The following TSHZ1 variants were observed in gnomAD, a reference collection of about 807,000 sequenced individuals.
TSHZ1 encodes the protein teashirt zinc finger homeobox 1.
TSHZ1 carries 12 observed loss-of-function variants against 67.1 expected under a neutral mutation model. The ratio of observed to expected loss-of-function variants is 0.18; its 90% CI spans 0.11 to 0.29. TSHZ1 has a LOEUF of 0.29. Among genes scored for constraint, TSHZ1 ranks in the 10% least tolerant of loss-of-function variants. The pLI is 1.00. For synonymous variants in TSHZ1, 632 were observed against 622.4 expected, an observed-to-expected ratio of 1.02 and a Z score of -0.23; for missense variants, 1,305 against 1,413.9, an observed-to-expected ratio of 0.92 and a Z score of 1.23.
chr18:75,287,216 G>A lies in TSHZ1; in HGVS notation c.1809G>A (p.Pro603=), dbSNP rs778774648. Residue 603 remains proline (P), a synonymous_variant, in exon 2 of 2, where the codon CCG becomes CCA. Transcript: ENST00000580243. This position sits in a 1 kb window ranked among gnomAD's most constrained non-coding sequence, Gnocchi z 5.0. ...PAAVQSVQVQ[P]SYAGGVKSLS... ...CCGTGCAGAGCGTGCAGGTGCAGCC[G>A]TCCTATGCTGGCGGCGTGAAGTCGC... 186 of 1,613,730 alleles carry A rather than the reference G, an allele frequency of 1.2e-4. No individual in the cohort carries two copies. Among genetic ancestry groups the A allele is most frequent in the South Asian group, 5.5e-5 (5 of 91,066 alleles).
At chr18:75,241,720 C>G (rs1027057040) in intron 1 of TSHZ1, among the ~76,000 whole-genome samples, 1 of 151,986 alleles carries the variant, frequency 6.6e-6, no homozygotes, top group Non-Finnish European at 1.5e-5. Flanking sequence ...TTTATTCTCT[C>G]CCAGTGCTGG....
intron 1 of TSHZ1, among the ~76,000 whole-genome samples, chr18:75,269,941 G>A (rs1205107223): frequency 6.6e-6 from 1 of 152,202 alleles, no homozygotes; most frequent in Non-Finnish European, 1.5e-5. Flanking sequence ...CCTGAAAATA[G>A]TGTCCTCTGT....
Position 75,285,429 on chromosome 18 carries a change from T to C in TSHZ1, c.41-19T>C. The C allele has an allele frequency of 7.0e-7, 1 of 1,437,828 alleles. No individual in the cohort carries two copies. The highest frequency in any genetic ancestry group is 9.1e-7 in the Non-Finnish European group (1 of 1,095,064). The allele number at this position is 1,437,828 out of a possible 1,614,324, so 89.1% of individuals were successfully genotyped here. A position where few individuals can be genotyped will look rare whatever the true frequency, so the allele number is the denominator to read the frequency against. On this transcript the variant is annotated intron_variant, in intron 1 of 1. Coordinates refer to ENST00000580243, the MANE Select transcript of TSHZ1 (RefSeq NM_001308210.2). ...AGATGATTTACTTCTTCTAACTGGG[T>C]TTCATTTTTCTCTCCTAGCTTATGT...
intron 1 of TSHZ1, chr18:75,283,926 C>A (rs1029088465): frequency 6.6e-6 from 1 of 152,148 alleles, no homozygotes; most frequent in African/African-American, 2.4e-5. Context: ...TTGTCGTGTT[C>A]CCTCAGGCCC....
intron 1 of TSHZ1, among the ~76,000 whole-genome samples, chr18:75,224,783 G>A (rs1316171884): frequency 6.6e-6 from 1 of 152,178 alleles, no homozygotes; most frequent in African/African-American, 2.4e-5. Flanking sequence ...ATTGGATGTA[G>A]GGTAGAGGCC....
Position 75,289,478 on chromosome 18 carries a change from C to G in TSHZ1, c.*837C>G, listed in dbSNP as rs562681033. On this transcript the variant is annotated 3_prime_UTR_variant, in exon 2 of 2. Transcript: ENST00000580243. ...TTGGTACAAGCTGACCTTTCTATAG[C>G]GTGCTGCATTGGTAAATGAAAAAAA... is the stretch of plus-strand genomic sequence containing the variant. 1 of 166,960 alleles carries G rather than the reference C, an allele frequency of 6.0e-6. No homozygotes were observed. Among genetic ancestry groups the G allele is most frequent in the African/African-American group, 2.4e-5 (1 of 41,408 alleles). 10.3% of individuals were successfully genotyped at this position (166,960 alleles called of 1,614,324 possible).
intron 1 of TSHZ1, among the ~76,000 whole-genome samples, chr18:75,247,849 A>G (rs889824958): frequency 8.3e-5 from 12 of 144,974 alleles, no homozygotes; most frequent in Non-Finnish European, 1.0e-4. Context: ...TTTATTTGAA[A>G]TGTTCAGACC....
chr18:75,257,424 G>A (rs1303901425), intron 1 of TSHZ1, among the ~76,000 whole-genome samples: 1 of 152,204 alleles, frequency 6.6e-6, no homozygotes, highest in African/African-American at 2.4e-5. Context: ...ATCTTGGCTA[G>A]GACAAGGCAG....
rs2022691490 is a variant in TSHZ1 at position 75,211,661 on chromosome 18, C to CGCCGCCGCCGCCTCCT, written c.-214_-213insCGCCGCCGCCTCCTGC. On this transcript the variant is annotated 5_prime_UTR_variant, in exon 1 of 2. An upstream open reading frame in the 5' UTR gains an earlier in-frame stop. Coordinates refer to ENST00000580243, the MANE Select transcript of TSHZ1 (RefSeq NM_001308210.2). ...CGCAGCCCGGCGCCGGGAAGCGGGC[C>CGCCGCCGCCGCCTCCT]GCGCGGCCGCCGCCGCCGCCTCCTG... 1 of 144,676 alleles carries CGCCGCCGCCGCCTCCT rather than the reference C, an allele frequency of 6.9e-6. No homozygotes were observed. The highest frequency in any genetic ancestry group is 6.9e-5 in the Admixed American group (1 of 14,596). 9.0% of individuals were successfully genotyped at this position (144,676 alleles called of 1,614,324 possible).
chr18:75,288,727 T>C lies in TSHZ1; in HGVS notation c.*86T>C, dbSNP rs547837922. 121 of 1,506,180 alleles carry C rather than the reference T, an allele frequency of 8.0e-5. No individual in the cohort carries two copies. In the African/African-American group the frequency reaches 1.6e-3, roughly 20 times the overall value. The allele number at this position is 1,506,180 out of a possible 1,614,324, so 93.3% of individuals were successfully genotyped here. On this transcript the variant is annotated 3_prime_UTR_variant, in exon 2 of 2. Transcript: ENST00000580243. This position sits in a 1 kb window ranked among gnomAD's most constrained non-coding sequence, Gnocchi z 4.9. ...CTGGCCTGAGCCTCTGAAATCAGTC[T>C]TTCCTTTGTTGCTGGCCCGCCTCTC...
intron 1 of TSHZ1, among the ~76,000 whole-genome samples, chr18:75,268,860 A>C (rs2023523698): frequency 6.6e-6 from 1 of 152,220 alleles, no homozygotes; most frequent in African/African-American, 2.4e-5. Flanking sequence ...GGAAAGATGG[A>C]TCTTCTGAGA....
At chr18:75,278,455 C>T (rs1280338714) in intron 1 of TSHZ1, among the ~76,000 whole-genome samples, 1 of 152,184 alleles carries the variant, frequency 6.6e-6, no homozygotes, top group Admixed American at 6.5e-5. Context: ...GCCGCCTTCT[C>T]CCCAGGTCCT....
intron 1 of TSHZ1, among the ~76,000 whole-genome samples, chr18:75,219,863 G>A (rs1208831479): frequency 2.6e-5 from 4 of 152,242 alleles, no homozygotes; most frequent in South Asian, 2.1e-4. Flanking sequence ...GGCACGCGTA[G>A]GTGTGCAGAA....
chr18:75,237,950 T>C (rs1345934935), intron 1 of TSHZ1, among the ~76,000 whole-genome samples: 2 of 152,060 alleles, frequency 1.3e-5, no homozygotes, highest in African/African-American at 4.8e-5. Flanking sequence ...GTAGCTGGGA[T>C]TACAGGCCTG....
At chr18:75,248,187 A>G (rs1402857405) in intron 1 of TSHZ1, among the ~76,000 whole-genome samples, 1 of 152,252 alleles carries the variant, frequency 6.6e-6, no homozygotes, top group Non-Finnish European at 1.5e-5. Flanking sequence ...CATCATGTTT[A>G]TAGACAGTGA....
chr18:75,213,778 A>G (rs769261411), intron 1 of TSHZ1, among the ~76,000 whole-genome samples: 1 of 152,176 alleles, frequency 6.6e-6, no homozygotes, highest in Non-Finnish European at 1.5e-5. Flanking sequence ...CACATATATC[A>G]TTGGCTTTAA....
chr18:75,265,864 A>G (rs1212066201), intron 1 of TSHZ1, among the ~76,000 whole-genome samples: 2 of 152,146 alleles, frequency 1.3e-5, no homozygotes, highest in Non-Finnish European at 2.9e-5. Flanking sequence ...AAGTACTTAT[A>G]TTTACTGAAA....
chr18:75,248,889 T>G (rs1373137322), intron 1 of TSHZ1, among the ~76,000 whole-genome samples: 2 of 152,146 alleles, frequency 1.3e-5, no homozygotes, highest in African/African-American at 4.8e-5. Context: ...AGGCAAGGAT[T>G]TAGAAGCTGG....
intron 1 of TSHZ1, among the ~76,000 whole-genome samples, chr18:75,225,430 C>T (rs1484526537): frequency 1.3e-5 from 2 of 152,210 alleles, no homozygotes; most frequent in Admixed American, 6.5e-5. Flanking sequence ...CGTGTGTCAG[C>T]GTGATGGCCT....
Sources: allele counts gnomAD v4.1 joint callset (sites outside exome capture counted in the v4.1 genomes callset), GRCh38; gene constraint gnomAD v4.1.1; non-coding constraint Gnocchi (gnomAD v3.1); transcripts MANE v1.5; gene names NCBI Gene and HGNC (gene_info 2026-07-23, HGNC 2026-07-21).